The following CNDP2 variants were observed in gnomAD, a reference collection of about 807,000 sequenced individuals.
CNDP2 encodes the protein carnosine dipeptidase 2.
A neutral mutation model predicts 55.0 loss-of-function variants in CNDP2; 38 were observed. The observed-to-expected ratio is 0.69, with a 90% CI of 0.53 to 0.90. The LOEUF is 0.90. Among genes scored for constraint, CNDP2 ranks in the 40% least tolerant of loss-of-function variants. CNDP2 has a pLI of 0.00. For missense variants in CNDP2, 607 were observed against 621.7 expected (o/e 0.98, Z 0.25); for synonymous variants, 241 against 260.2 (o/e 0.93, Z 0.71).
In CNDP2 at chr18:74,508,879, C is replaced by G. The variant is rs375379348; in HGVS notation, c.407C>G (p.Pro136Arg). 2 of 1,613,932 alleles carry G rather than the reference C, an allele frequency of 1.2e-6. No individual in the cohort carries two copies. The highest frequency in any genetic ancestry group is 1.1e-5 in the South Asian group (1 of 91,070). ...YGRGSTDDKG[P>R]VAGWINALEA... The stretch of plus-strand genomic sequence containing the variant: ...AGAGGTTCGACTGATGATAAGGGCC[C>G]GGTGGCCGGCTGGATAAACGCCCTG... Residue 136 changes from proline (P) to arginine (R), a missense_variant, in exon 5 of 12, where the codon CCG becomes CGG. Transcript: ENST00000324262.
At chr18:74,498,453 G>T (rs1978520931) in intron 1 of CNDP2, among the ~76,000 whole-genome samples, 1 of 152,148 alleles carries the variant, frequency 6.6e-6, no homozygotes, top group Non-Finnish European at 1.5e-5. Context: ...ATGTTATGTG[G>T]CACGTGACTA....
At chr18:74,512,786 T>C (rs1011930553) in intron 7 of CNDP2, among the ~76,000 whole-genome samples, 1 of 152,116 alleles carries the variant, frequency 6.6e-6, no homozygotes, top group African/African-American at 2.4e-5. Flanking sequence ...AGCACCCAAC[T>C]CAGTCACCCC....
chr18:74,516,344 C>T lies in CNDP2; in HGVS notation c.1020C>T (p.Phe340=), dbSNP rs748149501. Residue 340 remains phenylalanine, a synonymous_variant, in exon 9 of 12, where the codon TTC becomes TTT. Transcript: ENST00000324262. The stretch of plus-strand genomic sequence containing the variant: ...TTCCCAGGAAGGTGGTTGGCAAGTT[C>T]TCCATCAGGCTCGTGCCGAACATGA... The part of the protein sequence containing the change: ...TVIPRKVVGK[F]SIRLVPNMTP... 1 of 1,614,004 alleles carries T rather than the reference C, an allele frequency of 6.2e-7. No homozygotes were observed.
chr18:74,518,378 C>T (rs1979831341), intron 9 of CNDP2, 121 bp from the exon 10 acceptor site: 1 of 1,072,294 alleles, frequency 9.3e-7, no homozygotes, highest in Non-Finnish European at 1.4e-6. Flanking sequence ...CCATCACAGA[C>T]CTGTCAGAGG....
At chr18:74,499,173 G>A (rs185721443) in intron 1 of CNDP2, among the ~76,000 whole-genome samples, 38 of 152,358 alleles carry the variant, frequency 2.5e-4, no homozygotes, top group African/African-American at 8.9e-4. Context: ...GCTCCGTACA[G>A]CTGTGTGCTT....
chr18:74,516,397 G>T lies in CNDP2; in HGVS notation c.1068+5G>T. 6.2e-7 allele frequency: 1 copy of T among 1,605,090 alleles called. No individual in the cohort carries two copies. The highest frequency in any genetic ancestry group is 8.5e-7 in the Non-Finnish European group (1 of 1,174,502). On this transcript the variant is annotated splice_donor_5th_base_variant and intron_variant, in intron 9 of 11. Coordinates refer to ENST00000324262, the MANE Select transcript of CNDP2 (RefSeq NM_018235.3). ...CCTGAAGTCGTCGGCGAGCAGGCAT[G>T]TGGGGCTGGGACACGGGGTGGGGGC...
In CNDP2 at chr18:74,510,920, G is replaced by A. The variant is rs1226770885; in HGVS notation, c.564G>A (p.Val188=). 6.2e-7 allele frequency: 1 copy of A among 1,614,154 alleles called. No homozygotes were observed. The highest frequency in any genetic ancestry group is 1.1e-5 in the South Asian group (1 of 91,078). ...FARKDTFFKD[V]DYVCISDNYW... ...GGAAAGACACATTCTTTAAGGATGT[G>A]GACTATGTCTGCATTTCTGACAATT... The change falls in exon 6 of 12, where the codon GTG becomes GTA. Residue 188 remains valine, a synonymous_variant. Transcript: ENST00000324262.
intron 2 of CNDP2, among the ~76,000 whole-genome samples, chr18:74,500,909 C>T (rs1475023582): frequency 1.3e-5 from 2 of 152,182 alleles, no homozygotes; most frequent in South Asian, 2.1e-4. Context: ...AGAAACAGAA[C>T]AGGGCAGGGA....
chr18:74,498,847 G>A (rs1978539146), intron 1 of CNDP2, among the ~76,000 whole-genome samples: 1 of 152,178 alleles, frequency 6.6e-6, no homozygotes, highest in Non-Finnish European at 1.5e-5. Context: ...GAGGAAGAGG[G>A]CACTTGAGAA....
chr18:74,516,665 C>T, intron 9 of CNDP2: 1 of 395,402 alleles, frequency 2.5e-6, no homozygotes, highest in Non-Finnish European at 4.6e-6. Context: ...CAACTTTGGA[C>T]CAAGCGTGTT....
chr18:74,512,453 G>A lies in CNDP2; in HGVS notation c.663G>A (p.Glu221=). 1 of 1,613,724 alleles carries A rather than the reference G, an allele frequency of 6.2e-7. No homozygotes were observed. The highest frequency in any genetic ancestry group is 8.5e-7 in the Non-Finnish European group (1 of 1,179,764). Residue 221 remains glutamate (E), a synonymous_variant, in exon 7 of 12, where the codon GAG becomes GAA. Transcript: ENST00000324262. Reference sequence around the variant, plus strand: ...TGGCCTTTGTTTCCGTGCAGGTGGAGTGCAGCAACAAAGACCTCCATTCTG... The same window carrying A: ...TGGCCTTTGTTTCCGTGCAGGTGGAATGCAGCAACAAAGACCTCCATTCTG... ...RGICYFFIEV[E]CSNKDLHSGV...
Position 74,522,471 on chromosome 18 carries a change from C to T in CNDP2, c.*2403C>T, listed in dbSNP as rs752200107. The T allele has an allele frequency of 2.6e-5, 4 of 152,282 alleles. No individual in the cohort carries two copies. Among genetic ancestry groups the T allele is most frequent in the Non-Finnish European group, 5.9e-5 (4 of 68,072 alleles). The allele number at this position is 152,282 out of a possible 1,614,324, so 9.4% of individuals were successfully genotyped here. The stretch of plus-strand genomic sequence containing the variant: ...GTGCTATGCTTTGAATGTTTGGCTC[C>T]TCCCAAACTCGTGTTGAAACTTAAT... On this transcript the variant is annotated 3_prime_UTR_variant, in exon 12 of 12. Coordinates refer to ENST00000324262, the MANE Select transcript of CNDP2 (RefSeq NM_018235.3).
intron 5 of CNDP2, among the ~76,000 whole-genome samples, chr18:74,510,424 G>C (rs773938843): frequency 6.6e-6 from 1 of 152,198 alleles, no homozygotes; most frequent in African/African-American, 2.4e-5. Flanking sequence ...GGAGAGCAGC[G>C]CTTCTGTGCC....
Position 74,501,456 on chromosome 18 carries a change from A to G in CNDP2, c.188A>G (p.Asp63Gly), listed in dbSNP as rs745759028. Residue 63 changes from aspartate to glycine, a missense_variant, in exon 3 of 12, where the codon GAT (aspartate) becomes GGT (glycine). Physicochemically the swap from Asp to Gly is moderately conservative, Grantham distance 94 (BLOSUM62 -1). Coordinates refer to ENST00000324262, the MANE Select transcript of CNDP2 (RefSeq NM_018235.3). ...TTGGGGGGCTCTGTGGAACTGGTGG[A>G]TATCGGAAAACAAAAGGTAGGAGGC... is the stretch of plus-strand genomic sequence containing the variant. ...KQLGGSVELV[D>G]IGKQKLPDGS... is the part of the protein sequence containing the mutation. 4.3e-6 allele frequency: 7 copies of G among 1,613,610 alleles called. No individual in the cohort carries two copies. The South Asian group carries it at 6.6e-5, about 15-fold the overall frequency.
chr18:74,502,622 A>T (rs141784794), intron 3 of CNDP2, among the ~76,000 whole-genome samples: 88 of 152,200 alleles, frequency 5.8e-4, no homozygotes, highest in African/African-American at 2.0e-3. Flanking sequence ...GTTTATTTCA[A>T]ATGATTTCAG....
intron 3 of CNDP2, among the ~76,000 whole-genome samples, 175 bp downstream of exon 3, chr18:74,501,647 G>A (rs1978708308): frequency 6.6e-6 from 1 of 152,144 alleles, no homozygotes; most frequent in East Asian, 1.9e-4. Context: ...GCTTCAGTTG[G>A]ATTGGGGCAA....
chr18:74,500,063 A>G (rs1229298263), intron 2 of CNDP2, 30 bp downstream of exon 2: 10 of 1,589,478 alleles, frequency 6.3e-6, no homozygotes, highest in African/African-American at 2.7e-5. Context: ...AGGAAACAGT[A>G]AAATCTGATT....
Position 74,523,416 on chromosome 18 carries a change from A to T in CNDP2, c.*3348A>T, listed in dbSNP as rs1029377737. On this transcript the variant is annotated 3_prime_UTR_variant, in exon 12 of 12. Transcript: ENST00000324262. ...AGCTGGATCTTCTCAAGTGGGAAAC[A>T]GGCGTGGTAAATAAATACTGTTGTT... 2 of 152,232 alleles carry T rather than the reference A, an allele frequency of 1.3e-5. No individual in the cohort carries two copies. The highest frequency in any genetic ancestry group is 4.8e-5 in the African/African-American group (2 of 41,460). The allele number at this position is 152,232 out of a possible 1,614,324, so 9.4% of individuals were successfully genotyped here.
Position 74,510,923 on chromosome 18 carries a change from C to T in CNDP2, c.567C>T (p.Asp189=), listed in dbSNP as rs202208596. Reference sequence around the variant, plus strand: ...AAGACACATTCTTTAAGGATGTGGACTATGTCTGCATTTCTGACAATTACT... The same window carrying T: ...AAGACACATTCTTTAAGGATGTGGATTATGTCTGCATTTCTGACAATTACT... ...ARKDTFFKDV[D]YVCISDNYWL... is the part of the protein sequence containing the mutation. The change falls in exon 6 of 12, where the codon GAC becomes GAT. Residue 189 remains aspartate, a synonymous_variant. Coordinates refer to ENST00000324262, the MANE Select transcript of CNDP2 (RefSeq NM_018235.3). 5 of 1,614,192 alleles carry T rather than the reference C, an allele frequency of 3.1e-6. No homozygotes were observed. In the African/African-American group the frequency reaches 6.7e-5, roughly 22 times the overall value.
Sources: gnomAD v4.1 joint callset for allele counts (sites outside exome capture counted in the v4.1 genomes callset) on GRCh38, gnomAD v4.1.1 for gene constraint, MANE v1.5 for transcripts, NCBI Gene and HGNC (gene_info 2026-07-23, HGNC 2026-07-21) for gene names.